Variants in MARCHF1 observed in about 807,000 individuals in gnomAD.
MARCHF1 encodes E3 ubiquitin-protein ligase MARCHF1.
A neutral mutation model predicts 54.2 loss-of-function variants in MARCHF1; 40 were observed. The observed-to-expected ratio is 0.74, with a 90% CI of 0.57 to 0.96. The LOEUF (loss-of-function observed/expected upper bound fraction) is 0.96. MARCHF1 is among the 40% of genes least tolerant of loss of function. The pLI is 0.00. For missense variants in MARCHF1, 586 were observed against 656.5 expected (o/e 0.89, Z 1.17); for synonymous variants, 236 against 236.3 (o/e 1.00, Z 0.01).
chr4:164,328,922 T>C (rs1735354728), intron 1 of MARCHF1, among the ~76,000 whole-genome samples: 1 of 152,176 alleles, frequency 6.6e-6, no homozygotes, highest in Non-Finnish European at 1.5e-5. Flanking sequence ...AGATTCCTAG[T>C]TTAAGCATTC....
chr4:164,293,178 T>C (rs1734325437), intron 1 of MARCHF1, among the ~76,000 whole-genome samples: 1 of 152,142 alleles, frequency 6.6e-6, no homozygotes, highest in Non-Finnish European at 1.5e-5. Context: ...GCATAGCCTA[T>C]ATCTTGAATT....
At chr4:163,647,839 A>G (rs963712023) in intron 5 of MARCHF1, among the ~76,000 whole-genome samples, 10 of 151,858 alleles carry the variant, frequency 6.6e-5, no homozygotes, top group African/African-American at 2.4e-4. Flanking sequence ...TTTCATCTCA[A>G]GAAACTAGAA....
intron 1 of MARCHF1, among the ~76,000 whole-genome samples, chr4:164,152,118 G>C (rs1729958672): frequency 6.6e-6 from 1 of 151,910 alleles, no homozygotes; most frequent in African/African-American, 2.4e-5. Context: ...TGGAAATGGG[G>C]GACGATAGAA....
chr4:164,221,742 G>A (rs566360602), intron 1 of MARCHF1, among the ~76,000 whole-genome samples: 1 of 152,034 alleles, frequency 6.6e-6, no homozygotes, highest in Non-Finnish European at 1.5e-5. Flanking sequence ...GACAGCTGCT[G>A]CTGCACCTTG....
chr4:163,998,170 C>G (rs1321522020), intron 2 of MARCHF1, among the ~76,000 whole-genome samples: 1 of 151,126 alleles, frequency 6.6e-6, no homozygotes, highest in Non-Finnish European at 1.5e-5. Flanking sequence ...TACAACTACT[C>G]TATAAGAATA....
intron 2 of MARCHF1, among the ~76,000 whole-genome samples, chr4:164,082,136 C>T (rs983127864): frequency 9.8e-5 from 15 of 152,312 alleles, no homozygotes; most frequent in African/African-American, 3.1e-4. Context: ...CCCATAAATG[C>T]AAATACATGT....
chr4:163,733,205 A>ATACACACATG (rs1554008848), intron 4 of MARCHF1, among the ~76,000 whole-genome samples: 1 of 33,220 alleles, frequency 3.0e-5, no homozygotes, highest in African/African-American at 6.4e-5. Flanking sequence ...ATATATATAT[A>ATACACACATG]TATATATATA....
At chr4:164,205,156 T>C (rs963665881) in intron 1 of MARCHF1, among the ~76,000 whole-genome samples, 4 of 152,170 alleles carry the variant, frequency 2.6e-5, no homozygotes, top group African/African-American at 4.8e-5. Context: ...AAAAGACTGA[T>C]ACCTAAGAAT....
chr4:164,220,271 T>C (rs1411236211), intron 1 of MARCHF1, among the ~76,000 whole-genome samples: 6 of 144,296 alleles, frequency 4.2e-5, no homozygotes, highest in Non-Finnish European at 9.0e-5. Flanking sequence ...CACATACATA[T>C]GTATATAATG....
intron 3 of MARCHF1, among the ~76,000 whole-genome samples, chr4:163,924,066 A>G (rs1751488256): frequency 6.6e-6 from 1 of 152,068 alleles, no homozygotes; most frequent in Non-Finnish European, 1.5e-5. Flanking sequence ...TTGAGCATTC[A>G]TTAATCTATG....
intron 3 of MARCHF1, among the ~76,000 whole-genome samples, chr4:163,952,096 G>GT (rs1752144765): frequency 1.3e-5 from 2 of 152,060 alleles, no homozygotes; most frequent in Admixed American, 6.6e-5. Flanking sequence ...AAAATCGCTT[G>GT]TTTTTCCCCA....
At chr4:163,576,341 T>C (rs968456205) in intron 8 of MARCHF1, among the ~76,000 whole-genome samples, 1 of 152,100 alleles carries the variant, frequency 6.6e-6, no homozygotes, top group African/African-American at 2.4e-5. Flanking sequence ...CATGTAATTG[T>C]TTGGTTTTGA....
At chr4:164,118,458 G>T (rs1755988335) in intron 1 of MARCHF1, among the ~76,000 whole-genome samples, 1 of 150,576 alleles carries the variant, frequency 6.6e-6, no homozygotes, top group African/African-American at 2.4e-5. Context: ...TAAATAAACT[G>T]CAAAGTTTGA....
At chr4:163,796,221 GTTTTTTT>G (rs36039503) in intron 4 of MARCHF1, among the ~76,000 whole-genome samples, 2 of 82,238 alleles carry the variant, frequency 2.4e-5, no homozygotes, top group African/African-American at 8.2e-5. Flanking sequence ...GAAACTTCTA[GTTTTTTT>G]TTTTTTTTTT....
chr4:163,958,239 A>AAGTG (rs1267548928), intron 3 of MARCHF1, among the ~76,000 whole-genome samples: 11 of 126,284 alleles, frequency 8.7e-5, no homozygotes, highest in African/African-American at 3.0e-4. Flanking sequence ...ACTTTCAATC[A>AAGTG]AGTGAGTGTG....
chr4:163,899,812 G>A (rs1007266837), intron 3 of MARCHF1, among the ~76,000 whole-genome samples: 2 of 148,768 alleles, frequency 1.3e-5, no homozygotes, highest in South Asian at 4.3e-4. Context: ...TTCTGCCACA[G>A]TTTTCTCTTT....
chr4:163,727,311 TTTC>T (rs1177562806), intron 4 of MARCHF1, among the ~76,000 whole-genome samples: 1 of 134,026 alleles, frequency 7.5e-6, no homozygotes, highest in African/African-American at 2.7e-5. Flanking sequence ...ATTTCTTTTT[TTTC>T]TTTTTTTTTT....
At chr4:164,184,323 T>C (rs1380720200) in intron 1 of MARCHF1, among the ~76,000 whole-genome samples, 1 of 152,206 alleles carries the variant, frequency 6.6e-6, no homozygotes, top group Non-Finnish European at 1.5e-5. Context: ...AAACAGTATC[T>C]CCCTCAAATA....
chr4:164,004,319 A>T (rs920688439), intron 2 of MARCHF1, among the ~76,000 whole-genome samples: 1 of 152,144 alleles, frequency 6.6e-6, no homozygotes, highest in African/African-American at 2.4e-5. Flanking sequence ...CAATAATAAT[A>T]ATTTATTAGG....
Sources: gnomAD v4.1 joint callset for allele counts (sites outside exome capture counted in the v4.1 genomes callset) on GRCh38, gnomAD v4.1.1 for gene constraint, MANE v1.5 for transcripts, NCBI Gene and HGNC (gene_info 2026-07-23, HGNC 2026-07-21) for gene names.